The following THSD4 variants were observed in gnomAD, a reference collection of about 807,000 sequenced individuals.
The protein encoded by THSD4 is thrombospondin type-1 domain-containing protein 4.
Under a neutral mutation model 119.0 loss-of-function variants are expected in THSD4, and 69 were observed. The ratio of observed to expected loss-of-function variants is 0.58; its 90% CI spans 0.48 to 0.71. THSD4 has a LOEUF of 0.71. Ranked by LOEUF, THSD4 falls within the 30% of genes least tolerant of loss-of-function variation. The pLI is 0.00. For missense variants in THSD4, 1,393 were observed against 1,391.1 expected (o/e 1.00, Z -0.02); for synonymous variants, 524 against 540.4 (o/e 0.97, Z 0.42).
chr15:71,343,668 T>C (rs2045612351), intron 6 of THSD4, among the ~76,000 whole-genome samples: 1 of 151,870 alleles, frequency 6.6e-6, no homozygotes, highest in Non-Finnish European at 1.5e-5. Context: ...AGGACACCTG[T>C]CACTGGATTT....
At chr15:71,676,142 A>G (rs1004261059) in intron 8 of THSD4, among the ~76,000 whole-genome samples, 1 of 152,252 alleles carries the variant, frequency 6.6e-6, no homozygotes, top group Non-Finnish European at 1.5e-5. Flanking sequence ...AGAACATTTT[A>G]GAGAAATAAA....
chr15:71,664,594 G>A (rs140880331), intron 8 of THSD4, among the ~76,000 whole-genome samples: 5 of 152,158 alleles, frequency 3.3e-5, no homozygotes, highest in African/African-American at 1.2e-4. Context: ...TACAGATTGT[G>A]TCACCCAGGT....
chr15:71,365,750 T>C (rs1339403629), intron 6 of THSD4, among the ~76,000 whole-genome samples: 8 of 152,116 alleles, frequency 5.3e-5, no homozygotes, highest in African/African-American at 1.9e-4. Flanking sequence ...CTCTCTCTCA[T>C]TGTCCCCTTA....
intron 7 of THSD4, among the ~76,000 whole-genome samples, chr15:71,597,669 C>T (rs2049929814): frequency 6.6e-6 from 1 of 152,220 alleles, no homozygotes; most frequent in African/African-American, 2.4e-5. Flanking sequence ...GACTTAGTTT[C>T]TCCTGCATAT....
rs950043326 is a variant in THSD4, at chr15:71,660,726, A to G, written c.1349A>G (p.Asn450Ser). ...ATCACGGAGATGTACAAGAGCAACA[A>G]CTATTTGGGTAAGCTTGGTCTTTTT... ...INITEMYKSN[N>S]YLALRSRSGR... Residue 450 changes from asparagine (N) to serine (S), a missense_variant, in exon 8 of 18, where the codon AAC becomes AGC. Physicochemically the swap from Asn to Ser is conservative, Grantham distance 46 (BLOSUM62 1). Transcript: ENST00000261862. 1 of 1,614,102 alleles carries G rather than the reference A, an allele frequency of 6.2e-7. No individual in the cohort carries two copies. The highest frequency in any genetic ancestry group is 2.2e-5 in the East Asian group (1 of 44,858).
chr15:71,586,683 A>C (rs2049677128), intron 7 of THSD4, among the ~76,000 whole-genome samples: 1 of 152,338 alleles, frequency 6.6e-6, no homozygotes, highest in Non-Finnish European at 1.5e-5. Flanking sequence ...ATTTTTCTGA[A>C]GGTCAACTGT....
At chr15:71,140,393 A>T (rs983221670) in intron 1 of THSD4, among the ~76,000 whole-genome samples, 2 of 152,060 alleles carry the variant, frequency 1.3e-5, no homozygotes, top group African/African-American at 4.8e-5. Flanking sequence ...TCTTTTTAAC[A>T]ATCAGATCTC....
At chr15:71,312,520 C>T (rs2045125753) in intron 6 of THSD4, among the ~76,000 whole-genome samples, 1 of 152,034 alleles carries the variant, frequency 6.6e-6, no homozygotes, top group Admixed American at 6.6e-5. Context: ...CCTGCAGGCA[C>T]CTTGATCTTG....
intron 6 of THSD4, 89 bp downstream of exon 6, chr15:71,256,804 G>A: frequency 7.9e-7 from 1 of 1,260,782 alleles, no homozygotes; most frequent in Non-Finnish European, 1.1e-6. Context: ...AGGTATTGGT[G>A]TGATCCTGGC....
At chr15:71,465,627 C>A (rs545051149) in intron 7 of THSD4, among the ~76,000 whole-genome samples, 1 of 152,326 alleles carries the variant, frequency 6.6e-6, no homozygotes, top group East Asian at 1.9e-4. Flanking sequence ...TTTATCCCTG[C>A]AACCCAAGTT....
intron 6 of THSD4, among the ~76,000 whole-genome samples, chr15:71,299,976 A>AT (rs1555462048): frequency 0.012 from 581 of 48,206 alleles, 7 homozygotes; most frequent in South Asian, 0.092. Flanking sequence ...AAAAAAAAAA[A>AT]ATATATATAT....
chr15:71,451,372 T>C (rs1189511952), intron 7 of THSD4, among the ~76,000 whole-genome samples: 2 of 152,178 alleles, frequency 1.3e-5, no homozygotes, highest in Non-Finnish European at 2.9e-5. Context: ...GCTCCACTCC[T>C]GTGATCCCAG....
In THSD4 at chr15:71,483,128, C is replaced by A. The variant is rs144856727; in HGVS notation, c.1152+71305C>A. Among the ~76,000 whole-genome samples the A allele has an allele frequency of 1.3e-3, 201 of 152,126 alleles. 3 individuals carry two copies. Among genetic ancestry groups the A allele is most frequent in the African/African-American group, 4.5e-3 (187 of 41,496 alleles). On this transcript the variant is annotated intron_variant, in intron 7 of 17. Transcript: ENST00000261862. ...GGAATACAAAATATTAAAGAGCTATCTTTAATATTTAATAAAAGCACCATC... is the reference window on the plus strand; with the variant it reads ...GGAATACAAAATATTAAAGAGCTATATTTAATATTTAATAAAAGCACCATC...
chr15:71,149,905 C>G (rs1382625140), intron 2 of THSD4, among the ~76,000 whole-genome samples: 1 of 151,822 alleles, frequency 6.6e-6, no homozygotes, highest in Non-Finnish European at 1.5e-5. Context: ...AATCTTGTAC[C>G]AAATTTCAAT....
rs999584175 is a variant in THSD4, at chr15:71,155,153, G to T, written c.99+221G>T. ...AGAGGTTTTATTGGCCCACAGTTCT[G>T]CAGGCTGTACAGGAAGCATGATGCT... On this transcript the variant is annotated intron_variant, in intron 3 of 17. Transcript: ENST00000261862. 2.6e-5 allele frequency among the ~76,000 whole-genome samples: 4 copies of T among 152,304 alleles called. No individual in the cohort carries two copies. In the East Asian group the frequency reaches 7.7e-4, roughly 29 times the overall value.
At position 71,604,208 on chromosome 15, in the gene THSD4, C is replaced by G. The variant is rs554526420; in HGVS notation, c.1153-56322C>G. ...TATTAAAAGTTTTGCTAGTGTTCTG[C>G]CCAGACCCTCAGCCCAGACAGGTGC... On this transcript the variant is annotated intron_variant, in intron 7 of 17. Transcript: ENST00000261862. Among the ~76,000 whole-genome samples, 12 of 152,278 alleles carry G rather than the reference C, an allele frequency of 7.9e-5. No individual in the cohort carries two copies. The South Asian group carries it at 1.2e-3, about 16-fold the overall frequency.
intron 4 of THSD4, among the ~76,000 whole-genome samples, chr15:71,237,321 T>C (rs1441163058): frequency 2.0e-5 from 3 of 152,148 alleles, no homozygotes; most frequent in Admixed American, 6.5e-5. Flanking sequence ...CCTAGACCAA[T>C]GGAATCGGAG....
At chr15:71,685,774 G>A (rs1030190315) in intron 8 of THSD4, among the ~76,000 whole-genome samples, 2 of 152,002 alleles carry the variant, frequency 1.3e-5, no homozygotes, top group African/African-American at 4.8e-5. Context: ...TAGTTGCAAT[G>A]GGAAATCTGA....
chr15:71,629,881 G>C (rs1264815578), intron 7 of THSD4, among the ~76,000 whole-genome samples: 8 of 152,158 alleles, frequency 5.3e-5, no homozygotes. Flanking sequence ...GGGTTACTCT[G>C]GCTGTAAGGT....
Sources: allele counts gnomAD v4.1 joint callset (sites outside exome capture counted in the v4.1 genomes callset), GRCh38; gene constraint gnomAD v4.1.1; transcripts MANE v1.5; gene names NCBI Gene and HGNC (gene_info 2026-07-23, HGNC 2026-07-21).